PKP4: variants seen among roughly 807,000 people sequenced by gnomAD.
The protein encoded by PKP4 is plakophilin-4.
A neutral mutation model predicts 145.1 loss-of-function variants in PKP4; 90 were observed. The ratio of observed to expected loss-of-function variants is 0.62; its 90% confidence interval spans 0.52 to 0.74. The LOEUF (loss-of-function observed/expected upper bound fraction) is 0.74, where lower values mean the gene tolerates loss of function less well. Ranked by LOEUF, PKP4 falls within the 30% of genes least tolerant of loss-of-function variation. The pLI is 0.00. For missense variants in PKP4, 1,340 were observed against 1,482.7 expected, an observed-to-expected ratio of 0.90 and a Z score of 1.58; for synonymous variants, 563 against 577.2, an observed-to-expected ratio of 0.98 and a Z score of 0.35.
chr2:158,538,763 A>G (rs1334248538), intron 2 of PKP4, among the ~76,000 whole-genome samples: 2 of 152,044 alleles, frequency 1.3e-5, no homozygotes, highest in Non-Finnish European at 2.9e-5. Flanking sequence ...ACTGGTCTCA[A>G]ACTCCTGACC....
chr2:158,517,371 T>C (rs1258855549), intron 1 of PKP4, among the ~76,000 whole-genome samples: 1 of 152,228 alleles, frequency 6.6e-6, no homozygotes, highest in Non-Finnish European at 1.5e-5. Flanking sequence ...GAATAGTGTC[T>C]TCATTTATGC....
chr2:158,658,031 G>C, intron 11 of PKP4, 100 bp from the exon 12 acceptor site: 3 of 738,694 alleles, frequency 4.1e-6, no homozygotes, highest in Non-Finnish European at 6.8e-6. Context: ...GATTAGGTTT[G>C]GAACAGACTG....
chr2:158,680,851 G>C lies in PKP4; in HGVS notation c.*174G>C. 1 of 608,428 alleles carries C rather than the reference G, an allele frequency of 1.6e-6. No homozygotes were observed. The highest frequency in any genetic ancestry group is 2.2e-5 in the South Asian group (1 of 44,816). 37.7% of individuals were successfully genotyped at this position (608,428 alleles called of 1,614,324 possible). ...ATCAGGGAAGTGAGGAAATGTTTGG[G>C]AGAGGACTTTCTAAGCTCTATTTAG... On this transcript the variant is annotated 3_prime_UTR_variant, in exon 22 of 22. Coordinates refer to ENST00000389759, the MANE Select transcript of PKP4 (RefSeq NM_003628.6).
intron 2 of PKP4, among the ~76,000 whole-genome samples, chr2:158,572,450 C>G (rs1264943285): frequency 6.6e-6 from 1 of 152,134 alleles, no homozygotes; most frequent in African/African-American, 2.4e-5. Flanking sequence ...AAATGAGAAT[C>G]CTAAGCAATA....
At chr2:158,584,459 T>A (rs146901822) in intron 3 of PKP4, among the ~76,000 whole-genome samples, 1,818 of 152,304 alleles carry the variant, frequency 0.012, 18 homozygotes, top group Middle Eastern at 0.034. Context: ...GTAGGCATTG[T>A]ACGATCTGTG....
intron 2 of PKP4, among the ~76,000 whole-genome samples, chr2:158,558,393 G>A (rs947069771): frequency 1.3e-5 from 2 of 152,150 alleles, no homozygotes; most frequent in Non-Finnish European, 1.5e-5. Context: ...GAAGGAGACA[G>A]TATAGCCAGA....
intron 3 of PKP4, among the ~76,000 whole-genome samples, chr2:158,579,343 A>G (rs912082236): frequency 6.6e-6 from 1 of 152,184 alleles, no homozygotes; most frequent in African/African-American, 2.4e-5. Flanking sequence ...CAGCACCTGA[A>G]TGTAGCACAG....
intron 2 of PKP4, among the ~76,000 whole-genome samples, chr2:158,574,475 T>C (rs2047673152): frequency 6.6e-6 from 1 of 152,252 alleles, no homozygotes; most frequent in South Asian, 2.1e-4. Context: ...TGTTTTCATA[T>C]GACAGCATAA....
At chr2:158,526,629 G>T (rs2042976474) in intron 1 of PKP4, among the ~76,000 whole-genome samples, 1 of 99,782 alleles carries the variant, frequency 1.0e-5, no homozygotes, top group Non-Finnish European at 1.9e-5. Flanking sequence ...TGGAAGTTCT[G>T]GCCAGGGCGA....
chr2:158,639,123 A>G (rs1305456582), intron 9 of PKP4, among the ~76,000 whole-genome samples: 1 of 152,262 alleles, frequency 6.6e-6, no homozygotes, highest in African/African-American at 2.4e-5. Flanking sequence ...CAGTAAAGGT[A>G]AATGAGATAA....
intron 1 of PKP4, among the ~76,000 whole-genome samples, chr2:158,473,322 G>A (rs1248081245): frequency 6.6e-6 from 1 of 152,142 alleles, no homozygotes. Context: ...ATACCCAGAG[G>A]AATATAAATC....
chr2:158,565,079 C>G (rs530044719), intron 2 of PKP4, among the ~76,000 whole-genome samples: 1 of 152,132 alleles, frequency 6.6e-6, no homozygotes, highest in Admixed American at 6.5e-5. Flanking sequence ...TTCGTGTGAC[C>G]TTGGGCAAGT....
At chr2:158,461,809 A>G (rs187320264) in intron 1 of PKP4, among the ~76,000 whole-genome samples, 2 of 152,256 alleles carry the variant, frequency 1.3e-5, no homozygotes, top group East Asian at 3.9e-4. Flanking sequence ...GTGCCCCTAC[A>G]CTGCCCCCAC....
chr2:158,621,526 A>C (rs1574827620), intron 6 of PKP4, 105 bp downstream of exon 6: 1 of 871,972 alleles, frequency 1.1e-6, no homozygotes, highest in East Asian at 2.8e-5. Flanking sequence ...CGGGTGGATC[A>C]CCTGAGGTCA....
chr2:158,514,872 C>T (rs1204682629), intron 1 of PKP4, among the ~76,000 whole-genome samples: 1 of 152,042 alleles, frequency 6.6e-6, no homozygotes, highest in Non-Finnish European at 1.5e-5. Flanking sequence ...ACCCAGGAAG[C>T]AGAGGTTGCA....
At chr2:158,481,934 T>C (rs1202593039) in intron 1 of PKP4, among the ~76,000 whole-genome samples, 1 of 152,246 alleles carries the variant, frequency 6.6e-6, no homozygotes, top group Non-Finnish European at 1.5e-5. Flanking sequence ...TTTATAACTT[T>C]AGTGTCTGAT....
intron 1 of PKP4, among the ~76,000 whole-genome samples, chr2:158,465,429 A>G (rs573702989): frequency 6.6e-6 from 1 of 152,326 alleles, no homozygotes; most frequent in East Asian, 1.9e-4. Flanking sequence ...ACTTTACCAT[A>G]TAGCCTATGT....
At position 158,669,704 on chromosome 2, in the gene PKP4, C is replaced by CTT; in HGVS notation, c.2729-13_2729-12dup. 6.6e-7 allele frequency: 1 copy of CTT among 1,517,236 alleles called. No homozygotes were observed. Among genetic ancestry groups the CTT allele is most frequent in the East Asian group, 2.3e-5 (1 of 43,436 alleles). The allele number at this position is 1,517,236 out of a possible 1,614,324, so 94.0% of individuals were successfully genotyped here. On this transcript the variant is annotated splice_polypyrimidine_tract_variant and intron_variant, in intron 16 of 21. Coordinates refer to ENST00000389759, the MANE Select transcript of PKP4 (RefSeq NM_003628.6). ...GTACCTTCTGGAAGTAGAATTTACT[C>CTT]TTTTGCCGTTGGCAGGCAAATACGC... is the stretch of plus-strand genomic sequence containing the variant.
intron 1 of PKP4, among the ~76,000 whole-genome samples, chr2:158,526,599 G>C (rs1282968987): frequency 9.9e-5 from 9 of 91,254 alleles, no homozygotes; most frequent in East Asian, 3.1e-4. Flanking sequence ...CTCTCTCACC[G>C]CTCCTATTCA....
Sources: allele counts gnomAD v4.1 joint callset (sites outside exome capture counted in the v4.1 genomes callset), GRCh38; gene constraint gnomAD v4.1.1; transcripts MANE v1.5; gene names NCBI Gene and HGNC (gene_info 2026-07-23, HGNC 2026-07-21).